GAB1: variants seen among roughly 807,000 people sequenced by gnomAD.
GAB1 encodes the protein GRB2-associated-binding protein 1.
GAB1 carries 19 observed loss-of-function variants against 66.5 expected under a neutral mutation model. The ratio of observed to expected loss-of-function variants is 0.29; its 90% CI spans 0.20 to 0.42. The LOEUF is 0.42. Ranked by LOEUF, GAB1 falls within the 10% of genes least tolerant of loss-of-function variation. GAB1 has a pLI of 1.00. For synonymous variants in GAB1, 294 were observed against 301.4 expected (o/e 0.98, Z 0.25); for missense variants, 732 against 858.5 (o/e 0.85, Z 1.84).
At chr4:143,439,985 C>T (rs930937364) in intron 5 of GAB1, 94 bp from the exon 6 acceptor site, 42 of 1,399,728 alleles carry the variant, frequency 3.0e-5, no homozygotes, top group Middle Eastern at 3.6e-4. Flanking sequence ...AATAAAAGTA[C>T]GCTGAGATCC....
chr4:143,458,958 C>T (rs905761159), intron 6 of GAB1, among the ~76,000 whole-genome samples: 9 of 151,798 alleles, frequency 5.9e-5, no homozygotes, highest in African/African-American at 2.2e-4. Context: ...TAGTTATATA[C>T]TCCAATATTG....
intron 1 of GAB1, among the ~76,000 whole-genome samples, chr4:143,364,467 C>G (rs1187601656): frequency 6.6e-6 from 1 of 152,142 alleles, no homozygotes; most frequent in Non-Finnish European, 1.5e-5. Flanking sequence ...CATAGACATA[C>G]AAATTTAGTT....
intron 2 of GAB1, among the ~76,000 whole-genome samples, chr4:143,416,906 A>G (rs922434242): frequency 1.3e-5 from 2 of 152,180 alleles, no homozygotes; most frequent in African/African-American, 2.4e-5. Context: ...AAAAATTGCA[A>G]CCTCAAGCAT....
chr4:143,337,167 C>G lies in GAB1; in HGVS notation c.-22C>G, dbSNP rs763453383. The G allele has an allele frequency of 6.4e-6, 10 of 1,562,626 alleles. No individual in the cohort carries two copies. The East Asian group carries it at 7.0e-5, about 11-fold the overall frequency. ...CCCGCCGCCCCTCAGCTGCCCGGCCCGGAGCCCGAGACGCGCGCACCATGA... is the reference window on the plus strand; with the variant it reads ...CCCGCCGCCCCTCAGCTGCCCGGCCGGGAGCCCGAGACGCGCGCACCATGA... On this transcript the variant is annotated 5_prime_UTR_variant, in exon 1 of 10. Coordinates refer to ENST00000262994, the MANE Select transcript of GAB1 (RefSeq NM_002039.4).
chr4:143,441,048 C>T (rs982062642), intron 6 of GAB1, among the ~76,000 whole-genome samples: 4 of 152,252 alleles, frequency 2.6e-5, no homozygotes, highest in African/African-American at 7.2e-5. Flanking sequence ...TTAAAAATTA[C>T]TTTGCCTTTG....
intron 1 of GAB1, among the ~76,000 whole-genome samples, chr4:143,409,391 C>A (rs73850414): frequency 7.4e-5 from 11 of 148,488 alleles, no homozygotes; most frequent in East Asian, 2.0e-4. Flanking sequence ...AACTTTCCCC[C>A]CCCCCGCTCT....
intron 6 of GAB1, among the ~76,000 whole-genome samples, chr4:143,456,779 A>C (rs1264196495): frequency 2.0e-5 from 3 of 152,200 alleles, no homozygotes; most frequent in Admixed American, 2.0e-4. Context: ...TCAACTTTGT[A>C]AATTCCAAGA....
rs1404948416 is a variant in GAB1 at position 143,459,177 on chromosome 4, A to G, written c.1586-208A>G. ...TAGGCTTTGAGGTAACAATCATGAA[A>G]CATCTGATTTAGCTTTTACCACTAA... On this transcript the variant is annotated intron_variant, in intron 6 of 9. Transcript: ENST00000262994. Among the ~76,000 whole-genome samples the G allele has an allele frequency of 3.3e-5, 5 of 152,104 alleles. No homozygotes were observed. In the East Asian group the frequency reaches 9.6e-4, roughly 29 times the overall value.
intron 1 of GAB1, among the ~76,000 whole-genome samples, chr4:143,379,453 G>A (rs1168436927): frequency 5.3e-5 from 8 of 152,114 alleles, no homozygotes; most frequent in Admixed American, 3.9e-4. Context: ...GGTACGGTTA[G>A]CAGTGATTTT....
rs115212164 is a variant in GAB1 at position 143,434,235 on chromosome 4, C to G, written c.593+519C>G. 1.0e-5 allele frequency: 7 copies of G among 676,254 alleles called. No individual in the cohort carries two copies. The African/African-American group carries it at 1.3e-4, about 13-fold the overall frequency. 41.9% of individuals were successfully genotyped at this position (676,254 alleles called of 1,614,324 possible). On this transcript the variant is annotated intron_variant, in intron 3 of 9. Transcript: ENST00000262994. ...ATCATAAGGTAAAATCCCAATATAG[C>G]AAATTCCATGGAATATACAAATTGG...
chr4:143,340,098 C>A (rs1442944335), intron 1 of GAB1, among the ~76,000 whole-genome samples: 1 of 152,046 alleles, frequency 6.6e-6, no homozygotes, highest in Non-Finnish European at 1.5e-5. Flanking sequence ...TTGACATTCC[C>A]AGATTATTGA....
intron 1 of GAB1, among the ~76,000 whole-genome samples, chr4:143,364,669 G>GT (rs1729798442): frequency 6.6e-6 from 1 of 151,970 alleles, no homozygotes; most frequent in Admixed American, 6.6e-5. Flanking sequence ...ACAAGAGCAT[G>GT]TTTCTCCTTT....
At chr4:143,449,487 A>T (rs891779080) in intron 6 of GAB1, among the ~76,000 whole-genome samples, 1 of 152,016 alleles carries the variant, frequency 6.6e-6, no homozygotes, top group African/African-American at 2.4e-5. Context: ...TATTGGGTGC[A>T]TATATATTTA....
chr4:143,430,304 AC>A (rs1733585538), intron 2 of GAB1, among the ~76,000 whole-genome samples: 6 of 152,210 alleles, frequency 3.9e-5, no homozygotes, highest in Admixed American at 3.9e-4. Context: ...GTTTACAATA[AC>A]ATAACAACCT....
At chr4:143,419,236 T>C (rs1157520323) in intron 2 of GAB1, among the ~76,000 whole-genome samples, 1 of 152,094 alleles carries the variant, frequency 6.6e-6, no homozygotes, top group African/African-American at 2.4e-5. Flanking sequence ...TGCATATATA[T>C]ATGTGTAAAA....
intron 1 of GAB1, among the ~76,000 whole-genome samples, chr4:143,346,215 G>A (rs959598988): frequency 8.5e-5 from 13 of 152,198 alleles, no homozygotes; most frequent in Non-Finnish European, 1.9e-4. Flanking sequence ...TCTAAAAAGA[G>A]AGTGTTAATT....
chr4:143,339,340 G>A (rs1728755180), intron 1 of GAB1, among the ~76,000 whole-genome samples: 1 of 152,180 alleles, frequency 6.6e-6, no homozygotes. Context: ...GCGAAACTCT[G>A]TCTCTACTAA....
At position 143,472,761 on chromosome 4, in the gene GAB1, AG is replaced by A. The variant is rs1736139342; in HGVS notation, c.*3575del. The A allele has an allele frequency of 6.6e-6, 1 of 152,174 alleles. No individual in the cohort carries two copies. The highest frequency in any genetic ancestry group is 1.5e-5 in the Non-Finnish European group (1 of 68,026). 9.4% of individuals were successfully genotyped at this position (152,174 alleles called of 1,614,324 possible). A position where few individuals can be genotyped will look rare whatever the true frequency, so the allele number is the denominator to read the frequency against. On this transcript the variant is annotated 3_prime_UTR_variant, in exon 10 of 10. Coordinates refer to ENST00000262994, the MANE Select transcript of GAB1 (RefSeq NM_002039.4). Reference sequence around the variant, plus strand: ...TCAAGTAAGCAATCAGGTCCGTGACAGGGATTGGACATATGAACAAATTAAG... The same window carrying A: ...TCAAGTAAGCAATCAGGTCCGTGACAGGATTGGACATATGAACAAATTAAG...
intron 2 of GAB1, among the ~76,000 whole-genome samples, chr4:143,416,795 C>T (rs1344399040): frequency 1.3e-5 from 2 of 152,028 alleles, no homozygotes; most frequent in African/African-American, 4.8e-5. Flanking sequence ...TTAGATTATC[C>T]CATTTATGCC....
Sources: gnomAD v4.1 joint callset for allele counts (sites outside exome capture counted in the v4.1 genomes callset) on GRCh38, gnomAD v4.1.1 for gene constraint, MANE v1.5 for transcripts, NCBI Gene and HGNC (gene_info 2026-07-23, HGNC 2026-07-21) for gene names.